The following RALGAPB variants were observed in gnomAD, a reference collection of about 807,000 sequenced individuals.
RALGAPB encodes ral GTPase-activating protein subunit beta.
A neutral mutation model predicts 161.1 loss-of-function variants in RALGAPB; 25 were observed. That is an observed-to-expected ratio of 0.16 (90% CI 0.11 to 0.22). RALGAPB has a LOEUF of 0.22. Ranked by LOEUF, RALGAPB falls within the 10% of genes least tolerant of loss-of-function variation. RALGAPB has a pLI of 1.00. For missense variants in RALGAPB, 1,391 were observed against 1,815.2 expected (o/e 0.77, Z 4.25); for synonymous variants, 629 against 626.1 (o/e 1.00, Z -0.07).
intron 16 of RALGAPB, among the ~76,000 whole-genome samples, chr20:38,537,121 A>G (rs1471517460): frequency 6.6e-6 from 1 of 152,238 alleles, no homozygotes; most frequent in Non-Finnish European, 1.5e-5. Flanking sequence ...AGGCTACAGT[A>G]ACACAACAGC....
chr20:38,515,232 T>G lies in RALGAPB; in HGVS notation c.873-960T>G, dbSNP rs536206193. The stretch of plus-strand genomic sequence containing the variant: ...TGTGCTACCACTGGAAGCCCATTTT[T>G]CTTACATGCACACACGTTCTCCTTT... On this transcript the variant is annotated intron_variant, in intron 6 of 29. Coordinates refer to ENST00000262879, the MANE Select transcript of RALGAPB (RefSeq NM_020336.4). Among the ~76,000 whole-genome samples the G allele has an allele frequency of 5.9e-5, 9 of 152,358 alleles. No homozygotes were observed. In the East Asian group the frequency reaches 1.7e-3, roughly 29 times the overall value.
rs868639966 is a variant in RALGAPB at position 38,535,582 on chromosome 20, A to T, written c.2379+375A>T. Among the ~76,000 whole-genome samples, 3 of 150,606 alleles carry T rather than the reference A, an allele frequency of 2.0e-5. No individual in the cohort carries two copies. In the South Asian group the frequency reaches 6.3e-4, roughly 32 times the overall value. On this transcript the variant is annotated intron_variant, in intron 16 of 29. Coordinates refer to ENST00000262879, the MANE Select transcript of RALGAPB (RefSeq NM_020336.4). ...CCTCCATTATCAGAGATAAGTGAAA[A>T]CTGGCTACACCTTTTTTTTTTTTTT...
At chr20:38,478,638 CAG>C (rs962549240) in intron 1 of RALGAPB, among the ~76,000 whole-genome samples, 16 of 151,348 alleles carry the variant, frequency 1.1e-4, no homozygotes, top group African/African-American at 3.4e-4. Flanking sequence ...ATTTTTGAGA[CAG>C]AGTTTCGCTC....
rs139383267 is a variant in RALGAPB at position 38,559,994 on chromosome 20, A to ACC, written c.3531+1541_3531+1542insCC. 7.5e-3 allele frequency among the ~76,000 whole-genome samples: 1,138 copies of ACC among 152,332 alleles called. 3 individuals are homozygous for ACC. The highest frequency in any genetic ancestry group is 0.014 in the Non-Finnish European group (947 of 68,020). ...TGTAGTCATTTTAAGACAATCAGCT[A>ACC]ATCAAATTAGCATGCCTAAAGAAAT... is the stretch of plus-strand genomic sequence containing the variant. On this transcript the variant is annotated intron_variant, in intron 23 of 29. Transcript: ENST00000262879.
chr20:38,553,800 A>AAG (rs34867680), intron 21 of RALGAPB, 67 bp from the exon 22 acceptor site: 2 of 909,162 alleles, frequency 2.2e-6, no homozygotes, highest in Admixed American at 5.7e-5. Flanking sequence ...AAAAAAAAAA[A>AAG]ACACTTAAGA....
In RALGAPB at chr20:38,516,226, A is replaced by C. The variant is rs879640094; in HGVS notation, c.907A>C (p.Ser303Arg). The change falls in exon 7 of 30, where the codon AGC becomes CGC. Residue 303 changes from serine (S) to arginine (R), a missense_variant. Ser to Arg is a moderately radical substitution (Grantham distance 110). Around this residue, in one of 3 missense-constraint regions of RALGAPB, gnomAD observed 946 missense variants for 1,257.2 expected, o/e 0.75. Coordinates refer to ENST00000262879, the MANE Select transcript of RALGAPB (RefSeq NM_020336.4). ...PVDLSNPAII[S>R]STPKFQEQFL... The stretch of plus-strand genomic sequence containing the variant: ...GGATTTGAGTAACCCAGCTATTATA[A>C]GCTCTACTCCCAAATTTCAGGAACA... The C allele has an allele frequency of 1.9e-6, 3 of 1,611,540 alleles. No homozygotes were observed. Among genetic ancestry groups the C allele is most frequent in the Non-Finnish European group, 2.5e-6 (3 of 1,178,526 alleles).
At chr20:38,571,330 C>T (rs1031188294) in intron 28 of RALGAPB, among the ~76,000 whole-genome samples, 3 of 152,132 alleles carry the variant, frequency 2.0e-5, no homozygotes, top group African/African-American at 7.2e-5. Flanking sequence ...AGGACTTATC[C>T]TGCATAACTG....
chr20:38,564,993 G>A (rs2087941663), intron 24 of RALGAPB, among the ~76,000 whole-genome samples: 1 of 147,246 alleles, frequency 6.8e-6, no homozygotes. Flanking sequence ...CTGCCTGCCT[G>A]CCTGCCTGTC....
chr20:38,499,326 A>G, intron 4 of RALGAPB, 121 bp from the exon 5 acceptor site: 2 of 936,100 alleles, frequency 2.1e-6, no homozygotes, highest in Non-Finnish European at 3.2e-6. Context: ...TGATTATTTG[A>G]AAGTCAAAAC....
rs17832105 is a variant in RALGAPB, at chr20:38,487,430, C to T, written c.-30-973C>T. 1.7e-3 allele frequency among the ~76,000 whole-genome samples: 252 copies of T among 152,122 alleles called. 1 individual carries two copies. The highest frequency in any genetic ancestry group is 0.012 in the Admixed American group (176 of 15,298). On this transcript the variant is annotated intron_variant, in intron 1 of 29. Coordinates refer to ENST00000262879, the MANE Select transcript of RALGAPB (RefSeq NM_020336.4). Reference sequence around the variant, plus strand: ...TTGGAAAAAACATTCTATAAAGCCACTGAACTTAAATCATTATGGGTTGGC... The same window carrying T: ...TTGGAAAAAACATTCTATAAAGCCATTGAACTTAAATCATTATGGGTTGGC...
At chr20:38,521,153 A>G (rs748045583) in intron 9 of RALGAPB, among the ~76,000 whole-genome samples, 3 of 152,216 alleles carry the variant, frequency 2.0e-5, no homozygotes, top group Non-Finnish European at 4.4e-5. Flanking sequence ...AGGGGGAAGA[A>G]AAAACAGAAA....
chr20:38,554,193 ATTTTAGCCTGCATACAAAT>A, intron 22 of RALGAPB, 117 bp downstream of exon 22: 1 of 940,890 alleles, frequency 1.1e-6, no homozygotes, highest in Non-Finnish European at 1.6e-6. Flanking sequence ...ACTGGTTAAA[ATTTTAGCCTGCATACAAAT>A]AAATGAAATT....
rs377689300 is a variant in RALGAPB, at chr20:38,575,492, CAAAAA to C, written c.*526_*530del. 6.3e-4 allele frequency: 97 copies of C among 153,876 alleles called. No homozygotes were observed. The highest frequency in any genetic ancestry group is 3.4e-3 in the Middle Eastern group (1 of 296). 9.5% of individuals were successfully genotyped at this position (153,876 alleles called of 1,614,324 possible). On this transcript the variant is annotated 3_prime_UTR_variant, in exon 30 of 30. Transcript: ENST00000262879. ...TCTTGTCATCCAGCTGTCACACTGA[CAAAAA>C]GAAAAGATGATACATGTTTTTTGCT...
chr20:38,567,381 G>A (rs527465138), intron 26 of RALGAPB, 149 bp downstream of exon 26: 34 of 1,175,702 alleles, frequency 2.9e-5, no homozygotes, highest in East Asian at 1.8e-4. Context: ...AAATTCTCAC[G>A]ATTTTCTCTT....
At position 38,548,709 on chromosome 20, in the gene RALGAPB, A is replaced by G; in HGVS notation, c.2923A>G (p.Thr975Ala). ...NEQNDFFPSV[T>A]VLVRGMSGRL... ...TCTAGATGATTTTTTCCCCTCTGTC[A>G]CTGTGCTGGTCCGGGGAATGTCTGG... The change falls in exon 20 of 30, where the codon ACT (threonine) becomes GCT (alanine). Residue 975 changes from threonine (T) to alanine (A), a missense_variant. Physicochemically the swap from Thr to Ala is moderately conservative, Grantham distance 58. Around this residue, in one of 3 missense-constraint regions of RALGAPB, gnomAD observed 946 missense variants for 1,257.2 expected, o/e 0.75. Transcript: ENST00000262879. The G allele has an allele frequency of 6.2e-7, 1 of 1,613,646 alleles. No individual in the cohort carries two copies. The highest frequency in any genetic ancestry group is 1.1e-5 in the South Asian group (1 of 91,046).
In RALGAPB at chr20:38,473,036, G is replaced by A. The variant is rs983015819; in HGVS notation, c.-64G>A. 51 of 386,960 alleles carry A rather than the reference G, an allele frequency of 1.3e-4. No homozygotes were observed. The highest frequency in any genetic ancestry group is 1.9e-4 in the Non-Finnish European group (42 of 218,432). 24.0% of individuals were successfully genotyped at this position (386,960 alleles called of 1,614,324 possible). A position where few individuals can be genotyped will look rare whatever the true frequency, so the allele number is the denominator to read the frequency against. The stretch of plus-strand genomic sequence containing the variant: ...CCGAGGACGGCCGGCGGCGGCGCCC[G>A]CCCCGGCGATGCGGGCCCCGCCCGT... On this transcript the variant is annotated 5_prime_UTR_variant, in exon 1 of 30. Coordinates refer to ENST00000262879, the MANE Select transcript of RALGAPB (RefSeq NM_020336.4).
intron 11 of RALGAPB, among the ~76,000 whole-genome samples, chr20:38,525,195 G>A (rs1003272312): frequency 6.6e-6 from 1 of 152,144 alleles, no homozygotes; most frequent in South Asian, 2.1e-4. Flanking sequence ...CAACACAGAG[G>A]TCTTACCTTT....
At chr20:38,540,368 A>G (rs1394914463) in intron 17 of RALGAPB, among the ~76,000 whole-genome samples, 2 of 152,194 alleles carry the variant, frequency 1.3e-5, no homozygotes, top group Non-Finnish European at 1.5e-5. Flanking sequence ...ATGTTACTCC[A>G]TACTCATTTC....
intron 25 of RALGAPB, 28 bp from the exon 26 acceptor site, chr20:38,567,068 T>C (rs1375916219): frequency 1.9e-6 from 3 of 1,608,716 alleles, no homozygotes; most frequent in Non-Finnish European, 8.5e-7. Flanking sequence ...GTATGTATTA[T>C]AGTTGCTTTT....
Sources: gnomAD v4.1 joint callset for allele counts (sites outside exome capture counted in the v4.1 genomes callset) on GRCh38, gnomAD v4.1.1 for gene constraint, gnomAD v4.1.1 regional missense constraint, MANE v1.5 for transcripts, NCBI Gene and HGNC (gene_info 2026-07-23, HGNC 2026-07-21) for gene names.